EVI5: variants seen among roughly 807,000 people sequenced by gnomAD.
EVI5 encodes the protein ecotropic viral integration site 5, also known as ecotropic viral integration site 5 protein homolog.
Under a neutral mutation model 112.0 loss-of-function variants are expected in EVI5, and 73 were observed. The observed-to-expected ratio is 0.65, with a 90% confidence interval of 0.54 to 0.79. EVI5 has a LOEUF of 0.79. Ranked by LOEUF, EVI5 falls within the 30% of genes least tolerant of loss-of-function variation. The pLI is 0.00. For missense variants in EVI5, 900 were observed against 968.8 expected (o/e 0.93, Z 0.94); for synonymous variants, 305 against 319.9 (o/e 0.95, Z 0.50).
At chr1:92,571,933 A>T (rs1043292679) in intron 18 of EVI5, among the ~76,000 whole-genome samples, 1 of 152,136 alleles carries the variant, frequency 6.6e-6, no homozygotes, top group African/African-American at 2.4e-5. Flanking sequence ...CATATCAACA[A>T]CTTTGGTATT....
At position 92,693,860 on chromosome 1, in the gene EVI5, G is replaced by T; in HGVS notation, c.1039C>A (p.Pro347Thr). Residue 347 changes from proline to threonine, a missense_variant, in exon 9 of 20, where the codon CCA becomes ACA. Physicochemically the swap from Pro to Thr is conservative, Grantham distance 38. Transcript: ENST00000684568. ...TAAGCTGCTTGGATTAGCTTGTCTG[G>T]GACACCATCAAACTGATGTGGAATG... The part of the protein sequence containing the change: ...KVIPHQFDGV[P>T]DKLIQAAYQV... 1 of 1,606,618 alleles carries T rather than the reference G, an allele frequency of 6.2e-7. No homozygotes were observed.
chr1:92,738,736 A>G (rs1677856539), intron 1 of EVI5, among the ~76,000 whole-genome samples: 1 of 152,214 alleles, frequency 6.6e-6, no homozygotes, highest in African/African-American at 2.4e-5. Flanking sequence ...GCAATTTAAT[A>G]AAGTTTAATA....
chr1:92,539,496 T>G (rs1269055151), intron 19 of EVI5, among the ~76,000 whole-genome samples: 1 of 143,304 alleles, frequency 7.0e-6, no homozygotes, highest in Non-Finnish European at 1.5e-5. Context: ...TGAGACGAGA[T>G]CATGCCACTG....
intron 13 of EVI5, among the ~76,000 whole-genome samples, chr1:92,653,848 T>C (rs1005066090): frequency 2.6e-5 from 4 of 152,186 alleles, no homozygotes; most frequent in East Asian, 1.9e-4. Context: ...CTCAGGTACA[T>C]TGCAGCCTGG....
chr1:92,763,281 C>T (rs1053374320), intron 1 of EVI5, among the ~76,000 whole-genome samples: 12 of 151,932 alleles, frequency 7.9e-5, no homozygotes, highest in African/African-American at 2.9e-4. Flanking sequence ...TAAATAAATA[C>T]ATATATAAAA....
intron 1 of EVI5, among the ~76,000 whole-genome samples, chr1:92,775,286 T>G (rs985797613): frequency 2.6e-5 from 4 of 152,052 alleles, no homozygotes; most frequent in African/African-American, 9.7e-5. Flanking sequence ...AAATTAGCCA[T>G]GTGTAGTGGT....
At chr1:92,630,481 T>A (rs1404864723) in intron 14 of EVI5, among the ~76,000 whole-genome samples, 1 of 152,260 alleles carries the variant, frequency 6.6e-6, no homozygotes, top group East Asian at 1.9e-4. Context: ...GAGAAGTGTC[T>A]GTTCATATCC....
At chr1:92,629,225 A>G (rs1056963766) in intron 14 of EVI5, among the ~76,000 whole-genome samples, 1 of 152,248 alleles carries the variant, frequency 6.6e-6, no homozygotes, top group Non-Finnish European at 1.5e-5. Flanking sequence ...AAATATAAAA[A>G]TAGGAAGGAG....
At position 92,607,702 on chromosome 1, in the gene EVI5, C is replaced by G. The variant is rs781351466; in HGVS notation, c.1853G>C (p.Arg618Pro). The change falls in exon 17 of 20, where the codon CGA becomes CCA. Residue 618 changes from arginine to proline, a missense_variant. Transcript: ENST00000684568. ...TQNQINSNHL[R>P]RAEQEVISLQ... ...GCTAATCACCTCTTGTTCTGCTCTT[C>G]GAAGATGGTTACTATTGATCTGGTT... The G allele has an allele frequency of 6.2e-7, 1 of 1,602,068 alleles. No homozygotes were observed. The highest frequency in any genetic ancestry group is 8.5e-7 in the Non-Finnish European group (1 of 1,174,702).
At chr1:92,651,111 A>G (rs753834487) in intron 13 of EVI5, among the ~76,000 whole-genome samples, 3 of 152,256 alleles carry the variant, frequency 2.0e-5, no homozygotes, top group Non-Finnish European at 2.9e-5. Flanking sequence ...CACTTCACGT[A>G]ACAGCAGTCT....
intron 18 of EVI5, among the ~76,000 whole-genome samples, chr1:92,595,528 C>A (rs1647530930): frequency 1.3e-5 from 2 of 152,272 alleles, no homozygotes; most frequent in South Asian, 2.1e-4. Flanking sequence ...AACAAACCTG[C>A]ACGTTGTGCA....
chr1:92,675,808 T>C (rs1304704450), intron 10 of EVI5, among the ~76,000 whole-genome samples: 1 of 151,682 alleles, frequency 6.6e-6, no homozygotes, highest in Non-Finnish European at 1.5e-5. Context: ...TACAAAAAAT[T>C]AGGCGGGCTT....
chr1:92,721,638 G>A (rs1674769516), intron 2 of EVI5, among the ~76,000 whole-genome samples: 1 of 152,090 alleles, frequency 6.6e-6, no homozygotes, highest in African/African-American at 2.4e-5. Flanking sequence ...TAACAAACCT[G>A]TACGTTGTGC....
At chr1:92,647,538 G>C in intron 13 of EVI5, 1 of 528,362 alleles carries the variant, frequency 1.9e-6, no homozygotes, top group Non-Finnish European at 3.6e-6. Flanking sequence ...CTGCAAAATT[G>C]ACAGAGACCT....
chr1:92,690,194 T>C (rs1171450227), intron 9 of EVI5, among the ~76,000 whole-genome samples: 1 of 151,950 alleles, frequency 6.6e-6, no homozygotes, highest in African/African-American at 2.4e-5. Context: ...ATGAAGTGTT[T>C]ATATGTGTTT....
intron 18 of EVI5, among the ~76,000 whole-genome samples, chr1:92,597,813 C>T (rs2101466571): frequency 6.6e-6 from 1 of 152,338 alleles, no homozygotes; most frequent in Admixed American, 6.5e-5. Context: ...AGTCCCAGCA[C>T]TTTGGGAGGC....
At chr1:92,613,901 G>T (rs34734076) in intron 16 of EVI5, among the ~76,000 whole-genome samples, 29,683 of 152,070 alleles carry the variant, frequency 0.2, 3,441 homozygotes, top group Non-Finnish European at 0.25. Context: ...TAAGACTGAG[G>T]CTTCATCAGA....
chr1:92,649,538 G>A (rs1385052704), intron 13 of EVI5, among the ~76,000 whole-genome samples: 9 of 152,146 alleles, frequency 5.9e-5, no homozygotes, highest in Non-Finnish European at 1.3e-4. Context: ...AAAGTTGGCT[G>A]AGCACAGTGG....
chr1:92,528,653 G>A (rs1034145376), intron 19 of EVI5, among the ~76,000 whole-genome samples: 6 of 152,208 alleles, frequency 3.9e-5, no homozygotes, highest in African/African-American at 1.2e-4. Flanking sequence ...ATGGAACTAC[G>A]TGGGTAAATC....
Sources: gnomAD v4.1 joint callset for allele counts (sites outside exome capture counted in the v4.1 genomes callset) on GRCh38, gnomAD v4.1.1 for gene constraint, MANE v1.5 for transcripts, NCBI Gene and HGNC (gene_info 2026-07-23, HGNC 2026-07-21) for gene names.